AGFG1: variants seen among roughly 807,000 people sequenced by gnomAD.
AGFG1 encodes ArfGAP with FG repeats 1.
Under a neutral mutation model 60.6 loss-of-function variants are expected in AGFG1, and 10 were observed. That is an observed-to-expected ratio of 0.16 (90% CI 0.10 to 0.28). AGFG1 has a LOEUF of 0.28. AGFG1 is among the 10% of genes least tolerant of loss of function. AGFG1 has a pLI of 1.00. For synonymous variants in AGFG1, 247 were observed against 242.9 expected (o/e 1.02, Z -0.16); for missense variants, 537 against 676.5 (o/e 0.79, Z 2.29).
At chr2:227,513,999 G>A (rs930087615) in intron 2 of AGFG1, among the ~76,000 whole-genome samples, 4 of 152,178 alleles carry the variant, frequency 2.6e-5, no homozygotes, top group African/African-American at 7.2e-5. Context: ...TGAGTTTCCT[G>A]TGAGAGCTAC....
chr2:227,491,696 T>A, intron 2 of AGFG1, 56 bp downstream of exon 2: 1 of 1,011,890 alleles, frequency 9.9e-7, no homozygotes, highest in South Asian at 1.7e-5. Context: ...GCAGTCATTT[T>A]AATGAGATTT....
intron 10 of AGFG1, among the ~76,000 whole-genome samples, chr2:227,538,755 T>G (rs1488633416): frequency 6.6e-6 from 1 of 152,202 alleles, no homozygotes; most frequent in Non-Finnish European, 1.5e-5. Flanking sequence ...AGGGCCTTTT[T>G]TTGCTTATTT....
chr2:227,549,941 C>T, intron 10 of AGFG1: 2 of 337,028 alleles, frequency 5.9e-6, no homozygotes, highest in South Asian at 2.4e-5. Context: ...ATTATGCTAC[C>T]CCCTTAGCAA....
At chr2:227,526,560 T>TTTTTTTTTTTTGGGGG (rs1692000849) in intron 5 of AGFG1, among the ~76,000 whole-genome samples, 1 of 135,164 alleles carries the variant, frequency 7.4e-6, no homozygotes, top group Non-Finnish European at 1.6e-5. Context: ...TTTTTTTTTT[T>TTTTTTTTTTTTGGGGG]GAGATGGAGT....
intron 1 of AGFG1, among the ~76,000 whole-genome samples, chr2:227,475,459 C>G (rs1463981308): frequency 1.3e-5 from 2 of 152,126 alleles, no homozygotes; most frequent in African/African-American, 2.4e-5. Flanking sequence ...TGGCAACCAT[C>G]AAATGTCTAC....
intron 2 of AGFG1, among the ~76,000 whole-genome samples, chr2:227,519,369 T>C (rs1482108158): frequency 6.6e-6 from 1 of 152,202 alleles, no homozygotes; most frequent in Non-Finnish European, 1.5e-5. Context: ...TTTTTCTCTT[T>C]ATAGTTCTTT....
In AGFG1 at chr2:227,533,668, A is replaced by C. The variant is rs774065500; in HGVS notation, c.934A>C (p.Ser312Arg). The change falls in exon 7 of 13, where the codon AGT (serine) becomes CGT (arginine). Residue 312 changes from serine (S) to arginine (R), a missense_variant. This residue lies in a region of AGFG1 where 287 missense variants were observed against 343.6 expected (regional missense o/e 0.84). Transcript: ENST00000310078. ...SQSHQTASAV[S>R]KVSTNKAGLQ... Reference sequence around the variant, plus strand: ...GAGTCATCAAACAGCATCAGCTGTTAGTAAAGTTTCAACGAACAAAGCTGG... The same window carrying C: ...GAGTCATCAAACAGCATCAGCTGTTCGTAAAGTTTCAACGAACAAAGCTGG... 5 of 1,613,718 alleles carry C rather than the reference A, an allele frequency of 3.1e-6. No individual in the cohort carries two copies. In the African/African-American group the frequency reaches 6.7e-5, roughly 22 times the overall value.
intron 1 of AGFG1, among the ~76,000 whole-genome samples, chr2:227,483,138 T>C (rs967666490): frequency 1.3e-5 from 2 of 152,162 alleles, no homozygotes; most frequent in Admixed American, 6.5e-5. Flanking sequence ...AAAAGTGTTT[T>C]ATAAACCCTG....
chr2:227,515,477 A>T lies in AGFG1; in HGVS notation c.262-4471A>T, dbSNP rs535271193. Among the ~76,000 whole-genome samples the T allele has an allele frequency of 5.3e-5, 8 of 152,270 alleles. No homozygotes were observed. In the East Asian group the frequency reaches 1.5e-3, roughly 29 times the overall value. On this transcript the variant is annotated intron_variant, in intron 2 of 12. Transcript: ENST00000310078. ...TGGAGCCAACAATTTTGGGACAATC[A>T]TCAGCATCTCTATTCCTTCATTTCA...
chr2:227,525,400 A>G (rs1691963947), intron 5 of AGFG1, among the ~76,000 whole-genome samples: 2 of 152,214 alleles, frequency 1.3e-5, no homozygotes, highest in Non-Finnish European at 2.9e-5. Flanking sequence ...AAATAATAGT[A>G]GTAATAATAA....
intron 3 of AGFG1, among the ~76,000 whole-genome samples, chr2:227,522,424 A>C (rs1691853831): frequency 6.6e-6 from 1 of 152,194 alleles, no homozygotes; most frequent in African/African-American, 2.4e-5. Context: ...TACATCTTTT[A>C]TCTCTCCCAT....
rs1692927708 is a variant in AGFG1 at position 227,554,912 on chromosome 2, G to A, written c.*417G>A. 6.5e-6 allele frequency: 1 copy of A among 153,666 alleles called. No individual in the cohort carries two copies. The highest frequency in any genetic ancestry group is 2.4e-5 in the African/African-American group (1 of 41,478). 9.5% of individuals were successfully genotyped at this position (153,666 alleles called of 1,614,324 possible). ...TGCTGTCATATATCTTGGAATGAAT[G>A]ACCTAAAATCATTTTAACCATTGCT... On this transcript the variant is annotated 3_prime_UTR_variant, in exon 13 of 13. Coordinates refer to ENST00000310078, the MANE Select transcript of AGFG1 (RefSeq NM_004504.5).
intron 10 of AGFG1, among the ~76,000 whole-genome samples, chr2:227,550,352 T>C (rs1449832605): frequency 1.3e-5 from 2 of 152,256 alleles, no homozygotes; most frequent in African/African-American, 4.8e-5. Flanking sequence ...TATTAGAATG[T>C]TAATAGCCAT....
chr2:227,531,338 A>G (rs1357663586), intron 6 of AGFG1, 128 bp downstream of exon 6: 1 of 1,130,800 alleles, frequency 8.8e-7, no homozygotes, highest in Non-Finnish European at 1.2e-6. Flanking sequence ...TCTATCTTCA[A>G]AAGCTCTGGG....
At chr2:227,486,639 CAGAG>C (rs1053617954) in intron 1 of AGFG1, among the ~76,000 whole-genome samples, 6 of 151,850 alleles carry the variant, frequency 4.0e-5, no homozygotes, top group Admixed American at 1.3e-4. Context: ...TTTATTGTTT[CAGAG>C]AGAGAAATAT....
At chr2:227,516,782 T>G (rs1691663193) in intron 2 of AGFG1, among the ~76,000 whole-genome samples, 1 of 152,192 alleles carries the variant, frequency 6.6e-6, no homozygotes, top group East Asian at 1.9e-4. Flanking sequence ...TTGATTTTAG[T>G]TTTAAAAGTG....
intron 3 of AGFG1, among the ~76,000 whole-genome samples, chr2:227,520,325 C>G (rs1287235456): frequency 6.6e-6 from 1 of 152,142 alleles, no homozygotes; most frequent in African/African-American, 2.4e-5. Flanking sequence ...TAATCATTCC[C>G]TATCTCTGTT....
chr2:227,549,401 C>T (rs1028741331), intron 10 of AGFG1, among the ~76,000 whole-genome samples: 1 of 152,174 alleles, frequency 6.6e-6, no homozygotes, highest in African/African-American at 2.4e-5. Context: ...TTTCTATTAA[C>T]TTTATATGTA....
chr2:227,496,453 AT>A lies in AGFG1; in HGVS notation c.261+4814del, dbSNP rs66973806. Among the ~76,000 whole-genome samples the A allele has an allele frequency of 6.1e-4, 91 of 149,954 alleles. 3 individuals carry two copies. The highest frequency in any genetic ancestry group is 1.2e-3 in the African/African-American group (50 of 41,158). On this transcript the variant is annotated intron_variant, in intron 2 of 12. Transcript: ENST00000310078. Reference sequence around the variant, plus strand: ...CGAGACTCCGTCTCAAAAAAAAAAAATAAATAAAATAGCCTGCTGTGTGCCA... The same window carrying A: ...CGAGACTCCGTCTCAAAAAAAAAAAAAAATAAAATAGCCTGCTGTGTGCCA...
Sources: gnomAD v4.1 joint callset for allele counts (sites outside exome capture counted in the v4.1 genomes callset) on GRCh38, gnomAD v4.1.1 for gene constraint, gnomAD v4.1.1 regional missense constraint, MANE v1.5 for transcripts, NCBI Gene and HGNC (gene_info 2026-07-23, HGNC 2026-07-21) for gene names.